SIK2: variants seen among roughly 807,000 people sequenced by gnomAD.
The protein encoded by SIK2 is serine/threonine-protein kinase SIK2.
A neutral mutation model predicts 103.2 loss-of-function variants in SIK2; 29 were observed. The observed-to-expected ratio is 0.28, with a 90% CI of 0.21 to 0.38. SIK2 has a LOEUF of 0.38. SIK2 is among the 10% of genes least tolerant of loss of function. The pLI is 1.00. For synonymous variants in SIK2, 412 were observed against 446.1 expected, an observed-to-expected ratio of 0.92 and a Z score of 0.96; for missense variants, 879 against 1,171.0, an observed-to-expected ratio of 0.75 and a Z score of 3.64.
intron 3 of SIK2, among the ~76,000 whole-genome samples, chr11:111,659,847 G>A (rs1171869020): frequency 1.3e-5 from 2 of 152,200 alleles, no homozygotes; most frequent in South Asian, 2.1e-4. Context: ...GAAATCCAAA[G>A]GAGGGGCAAC....
intron 6 of SIK2, among the ~76,000 whole-genome samples, chr11:111,702,628 T>C (rs1351978397): frequency 6.6e-6 from 1 of 152,208 alleles, no homozygotes. Flanking sequence ...GCGCCTGCCA[T>C]ATAGTGACAG....
chr11:111,616,153 G>GAAGT (rs1330485593), intron 1 of SIK2, 90 bp from the exon 2 acceptor site: 40 of 788,906 alleles, frequency 5.1e-5, no homozygotes, highest in Non-Finnish European at 8.0e-5. Context: ...ACCTACAGGT[G>GAAGT]AAGTCTCATG....
intron 3 of SIK2, among the ~76,000 whole-genome samples, chr11:111,632,575 G>A (rs1373342321): frequency 1.3e-5 from 2 of 152,098 alleles, no homozygotes; most frequent in Non-Finnish European, 2.9e-5. Flanking sequence ...TGAAGAAACT[G>A]AGGGACAGAG....
intron 1 of SIK2, 51 bp from the exon 2 acceptor site, chr11:111,616,192 A>C (rs1445894784): frequency 7.9e-7 from 1 of 1,260,576 alleles, no homozygotes; most frequent in African/African-American, 1.5e-5. Context: ...CTTAACTAGA[A>C]AATGTTAACT....
intron 9 of SIK2, among the ~76,000 whole-genome samples, chr11:111,713,037 C>T (rs1238190318): frequency 6.6e-6 from 1 of 152,108 alleles, no homozygotes; most frequent in African/African-American, 2.4e-5. Flanking sequence ...TGGTGGTACA[C>T]ACCTGTAATC....
chr11:111,664,989 C>T (rs1942516605), intron 3 of SIK2, among the ~76,000 whole-genome samples: 1 of 152,034 alleles, frequency 6.6e-6, no homozygotes, highest in Non-Finnish European at 1.5e-5. Flanking sequence ...CTAAGCTAAC[C>T]AAGTAAATCA....
chr11:111,660,445 T>C (rs561557162), intron 3 of SIK2, among the ~76,000 whole-genome samples: 5 of 152,344 alleles, frequency 3.3e-5, no homozygotes, highest in African/African-American at 1.2e-4. Context: ...CTGTGTAGTA[T>C]ATATTACATA....
intron 3 of SIK2, among the ~76,000 whole-genome samples, chr11:111,665,107 T>C (rs1942518067): frequency 6.6e-6 from 1 of 151,988 alleles, no homozygotes; most frequent in Non-Finnish European, 1.5e-5. Flanking sequence ...CCAGATGCTG[T>C]AGGAATTTGG....
At chr11:111,698,577 AC>A (rs1943134313) in intron 4 of SIK2, among the ~76,000 whole-genome samples, 1 of 152,224 alleles carries the variant, frequency 6.6e-6, no homozygotes. Flanking sequence ...CCCTGTCTCT[AC>A]TAAAAATACA....
intron 3 of SIK2, among the ~76,000 whole-genome samples, chr11:111,625,791 C>T (rs1565315705): frequency 6.6e-6 from 1 of 151,948 alleles, no homozygotes; most frequent in Non-Finnish European, 1.5e-5. Flanking sequence ...AGGAGTTCTG[C>T]TGCAAAAAGG....
At chr11:111,646,498 A>T (rs1942259599) in intron 3 of SIK2, among the ~76,000 whole-genome samples, 1 of 152,192 alleles carries the variant, frequency 6.6e-6, no homozygotes, top group Non-Finnish European at 1.5e-5. Context: ...CACTTATGGC[A>T]TATGTATTAA....
intron 4 of SIK2, among the ~76,000 whole-genome samples, chr11:111,699,094 T>G (rs1433060261): frequency 6.6e-6 from 1 of 152,210 alleles, no homozygotes; most frequent in Non-Finnish European, 1.5e-5. Flanking sequence ...GGTGGTACTG[T>G]GAAGATAAGG....
chr11:111,631,334 G>T (rs1011506659), intron 3 of SIK2, among the ~76,000 whole-genome samples: 7 of 152,166 alleles, frequency 4.6e-5, no homozygotes, highest in African/African-American at 1.7e-4. Context: ...ATTGTCAGGG[G>T]ATGAATAGAA....
intron 2 of SIK2, among the ~76,000 whole-genome samples, chr11:111,616,754 G>A (rs1941811958): frequency 6.6e-6 from 1 of 152,062 alleles, no homozygotes; most frequent in South Asian, 2.1e-4. Context: ...GTTGAGGCAG[G>A]AGGATTGCTT....
intron 3 of SIK2, among the ~76,000 whole-genome samples, chr11:111,648,276 ATACCT>A (rs56885998): frequency 0.2 from 31,026 of 152,002 alleles, 3,832 homozygotes; most frequent in Middle Eastern, 0.31. Context: ...CTATAACAAA[ATACCT>A]TAAACTGGGT....
chr11:111,641,756 T>C (rs1257778257), intron 3 of SIK2, among the ~76,000 whole-genome samples: 1 of 152,202 alleles, frequency 6.6e-6, no homozygotes, highest in Non-Finnish European at 1.5e-5. Flanking sequence ...TTTTATAGTG[T>C]AGACCTAGCT....
At position 111,719,945 on chromosome 11, in the gene SIK2, G is replaced by A. The variant is rs1173378564; in HGVS notation, c.1437G>A (p.Gly479=). The A allele has an allele frequency of 1.2e-6, 2 of 1,614,104 alleles. No individual in the cohort carries two copies. Among genetic ancestry groups the A allele is most frequent in the South Asian group, 2.2e-5 (2 of 91,092 alleles). ...AFEAFQSTRS[G]QRRHTLSEVT... The stretch of plus-strand genomic sequence containing the variant: ...AGGCATTTCAGTCCACACGCAGCGG[G>A]CAGAGACGGCACACTCTGTCAGAAG... Residue 479 remains glycine, a synonymous_variant, in exon 10 of 15, where the codon GGG becomes GGA. Transcript: ENST00000304987.
chr11:111,617,395 A>G (rs1441945075), intron 2 of SIK2, among the ~76,000 whole-genome samples: 2 of 152,202 alleles, frequency 1.3e-5, no homozygotes, highest in Admixed American at 1.3e-4. Flanking sequence ...TTTAAACTGA[A>G]ATGTTCCATT....
intron 3 of SIK2, among the ~76,000 whole-genome samples, chr11:111,660,786 A>G (rs1266386337): frequency 4.6e-5 from 7 of 150,688 alleles, no homozygotes; most frequent in Admixed American, 4.6e-4. Context: ...CAGTAAAGAC[A>G]TACTTTCCAA....
Sources: gnomAD v4.1 joint callset for allele counts (sites outside exome capture counted in the v4.1 genomes callset) on GRCh38, gnomAD v4.1.1 for gene constraint, MANE v1.5 for transcripts, NCBI Gene and HGNC (gene_info 2026-07-23, HGNC 2026-07-21) for gene names.